Variants in WDR64 observed in about 807,000 individuals in gnomAD.
WDR64 encodes WD repeat domain 64, also known as WD repeat-containing protein 64.
In WDR64, 112 loss-of-function variants were observed where a neutral mutation model predicts 139.3. That is an observed-to-expected ratio of 0.80 (90% confidence interval 0.69 to 0.94). WDR64 has a LOEUF of 0.94. Among genes scored for constraint, WDR64 ranks in the 40% least tolerant of loss-of-function variants. The probability of loss-of-function intolerance (pLI) is 0.00; values close to 1 mark genes in which losing one functional copy is unlikely to be tolerated. For synonymous variants in WDR64, 444 were observed against 437.7 expected, an observed-to-expected ratio of 1.01 and a Z score of -0.18; for missense variants, 1,206 against 1,293.1, an observed-to-expected ratio of 0.93 and a Z score of 1.03.
chr1:241,695,987 G>A (rs1008847111), intron 8 of WDR64, among the ~76,000 whole-genome samples: 2 of 151,370 alleles, frequency 1.3e-5, no homozygotes, highest in African/African-American at 2.4e-5. Context: ...GGTGGCATGC[G>A]CCTGTGGTCC....
At position 241,770,374 on chromosome 1, in the gene WDR64, G is replaced by C. The variant is rs1455113073; in HGVS notation, c.2184-247G>C. ...CTAGCCTTTGCAGTGGGATAGGCAAGACTTTTATTTTCTGACAAAGGGAGC... is the reference window on the plus strand; with the variant it reads ...CTAGCCTTTGCAGTGGGATAGGCAACACTTTTATTTTCTGACAAAGGGAGC... On this transcript the variant is annotated intron_variant, in intron 17 of 27. Coordinates refer to ENST00000437684, the MANE Select transcript of WDR64 (RefSeq NM_001367482.1). The C allele has an allele frequency of 3.1e-5, 12 of 385,892 alleles. No homozygotes were observed. In the East Asian group the frequency reaches 4.7e-4, roughly 15 times the overall value. 23.9% of individuals were successfully genotyped at this position (385,892 alleles called of 1,614,324 possible).
intron 20 of WDR64, among the ~76,000 whole-genome samples, chr1:241,773,294 CA>C (rs1445575736): frequency 6.6e-6 from 1 of 152,188 alleles, no homozygotes; most frequent in Non-Finnish European, 1.5e-5. Flanking sequence ...ACTGGTCATG[CA>C]AGCCTCACAG....
At chr1:241,759,247 A>G (rs55772374) in intron 15 of WDR64, among the ~76,000 whole-genome samples, 54 of 152,282 alleles carry the variant, frequency 3.5e-4, no homozygotes, top group Admixed American at 1.3e-3. Flanking sequence ...TCCTTAGGGT[A>G]TATAGCATGT....
At position 241,679,647 on chromosome 1, in the gene WDR64, G is replaced by A; in HGVS notation, c.624+52G>A. The A allele has an allele frequency of 2.1e-6, 3 of 1,441,990 alleles. No homozygotes were observed. The South Asian group carries it at 3.7e-5, about 18-fold the overall frequency. The allele number at this position is 1,441,990 out of a possible 1,614,324, so 89.3% of individuals were successfully genotyped here. A position where few individuals can be genotyped will look rare whatever the true frequency, so the allele number is the denominator to read the frequency against. ...GAAATGAGATTGTCTTTTCAGTAGT[G>A]GTACGATATGAGCAATCCACTTTCT... On this transcript the variant is annotated intron_variant, in intron 6 of 27. Coordinates refer to ENST00000437684, the MANE Select transcript of WDR64 (RefSeq NM_001367482.1).
Position 241,772,854 on chromosome 1 carries a change from G to C in WDR64, c.2353G>C (p.Ala785Pro), listed in dbSNP as rs376125686. The change falls in exon 20 of 28, where the codon GCC becomes CCC. Residue 785 changes from alanine (A) to proline (P), a missense_variant. Transcript: ENST00000437684. ...QPMDKKHPGI[A>P]NLPEAQPPIL... is the part of the protein sequence containing the mutation. ...AATGGACAAAAAACACCCTGGAATT[G>C]CCAATTTACCAGAAGCCCAGCCACC... is the stretch of plus-strand genomic sequence containing the variant. 9.2e-5 allele frequency: 143 copies of C among 1,551,914 alleles called. No homozygotes were observed. The Middle Eastern group carries it at 1.0e-3, about 11-fold the overall frequency.
intron 25 of WDR64, among the ~76,000 whole-genome samples, chr1:241,794,440 T>C (rs1659297839): frequency 6.6e-6 from 1 of 151,570 alleles, no homozygotes; most frequent in African/African-American, 2.4e-5. Flanking sequence ...GAGAAATCTT[T>C]AGAATGAGTT....
intron 20 of WDR64, among the ~76,000 whole-genome samples, 164 bp from the exon 21 acceptor site, chr1:241,774,941 T>C (rs562489789): frequency 2.6e-5 from 4 of 152,168 alleles, no homozygotes; most frequent in Non-Finnish European, 5.9e-5. Context: ...TAAGTCCCTA[T>C]GGATAGTTTA....
At chr1:241,682,837 A>G (rs1029045362) in intron 6 of WDR64, among the ~76,000 whole-genome samples, 1 of 152,230 alleles carries the variant, frequency 6.6e-6, no homozygotes, top group Non-Finnish European at 1.5e-5. Flanking sequence ...CACTTCTACC[A>G]GAATAGTAGC....
intron 25 of WDR64, among the ~76,000 whole-genome samples, chr1:241,794,504 G>GCTTTTTTT (rs780489411): frequency 1.2e-5 from 1 of 81,458 alleles, no homozygotes; most frequent in African/African-American, 4.3e-5. Flanking sequence ...AAGCTTTACT[G>GCTTTTTTT]TTTTTTTTTT....
At chr1:241,723,227 C>T in intron 9 of WDR64, 70 bp from the exon 10 acceptor site, 1 of 1,569,490 alleles carries the variant, frequency 6.4e-7, no homozygotes, top group Non-Finnish European at 8.7e-7. Flanking sequence ...GGGTATGATA[C>T]AGTGAGAGAT....
intron 8 of WDR64, among the ~76,000 whole-genome samples, chr1:241,695,964 A>T (rs1285281846): frequency 6.6e-6 from 1 of 151,758 alleles, no homozygotes; most frequent in African/African-American, 2.4e-5. Context: ...TAAGTTAAAA[A>T]TTAGCCAGGT....
intron 13 of WDR64, 32 bp from the exon 14 acceptor site, chr1:241,749,515 T>C: frequency 6.3e-7 from 1 of 1,589,826 alleles, no homozygotes; most frequent in Non-Finnish European, 8.6e-7. Flanking sequence ...AAGTCATTTT[T>C]ACCCACATAG....
intron 8 of WDR64, among the ~76,000 whole-genome samples, chr1:241,690,999 A>T (rs1486609466): frequency 1.3e-5 from 2 of 152,160 alleles, no homozygotes; most frequent in Non-Finnish European, 2.9e-5. Flanking sequence ...AAATGACAGC[A>T]ATAATACAAA....
chr1:241,672,848 A>C (rs1342302031), intron 3 of WDR64, among the ~76,000 whole-genome samples: 1 of 152,100 alleles, frequency 6.6e-6, no homozygotes, highest in Non-Finnish European at 1.5e-5. Flanking sequence ...GTGGGAGCTA[A>C]GGTTGGAGAA....
At chr1:241,744,599 G>C in intron 13 of WDR64, 83 bp downstream of exon 13, 1 of 1,567,242 alleles carries the variant, frequency 6.4e-7, no homozygotes, top group Non-Finnish European at 8.7e-7. Context: ...CTTTAGGGTA[G>C]AAGGAGAGCA....
intron 14 of WDR64, 33 bp downstream of exon 14, chr1:241,749,755 G>A (rs1314186106): frequency 1.3e-6 from 2 of 1,545,302 alleles, no homozygotes; most frequent in East Asian, 2.3e-5. Context: ...CGTACTGCAG[G>A]TGCCCTTTTT....
chr1:241,740,239 A>G (rs1292672914), intron 11 of WDR64, among the ~76,000 whole-genome samples: 1 of 152,176 alleles, frequency 6.6e-6, no homozygotes, highest in Non-Finnish European at 1.5e-5. Flanking sequence ...ACTAGCCAAA[A>G]AGTAGAAGAT....
chr1:241,760,373 A>G (rs2148282462), intron 15 of WDR64, among the ~76,000 whole-genome samples: 1 of 151,132 alleles, frequency 6.6e-6, no homozygotes, highest in Admixed American at 6.6e-5. Flanking sequence ...AAGACTTACG[A>G]TTATTCCAAG....
Position 241,706,121 on chromosome 1 carries a change from T to C in WDR64, c.975-5681T>C, listed in dbSNP as rs73141019. ...ACCCTAAGCTTTTATTTTTGCCTTC[T>C]GATTTTAAGTGCAACTAGAATATTT... On this transcript the variant is annotated intron_variant, in intron 8 of 27. Transcript: ENST00000437684. 5.5e-3 allele frequency among the ~76,000 whole-genome samples: 839 copies of C among 152,374 alleles called. 5 individuals carry two copies. Among genetic ancestry groups the C allele is most frequent in the African/African-American group, 0.019 (790 of 41,590 alleles).
Sources: gnomAD v4.1 joint callset for allele counts (sites outside exome capture counted in the v4.1 genomes callset) on GRCh38, gnomAD v4.1.1 for gene constraint, MANE v1.5 for transcripts, NCBI Gene and HGNC (gene_info 2026-07-23, HGNC 2026-07-21) for gene names.